The following DNAJC8 variants were observed in gnomAD, a reference collection of about 807,000 sequenced individuals.
DNAJC8 encodes DnaJ heat shock protein family (Hsp40) member C8, also known as dnaJ homolog subfamily C member 8.
In DNAJC8, 24 loss-of-function variants were observed where a neutral mutation model predicts 43.2. The observed-to-expected ratio is 0.56, with a 90% CI of 0.40 to 0.78. The LOEUF is 0.78. Ranked by LOEUF, DNAJC8 falls within the 30% of genes least tolerant of loss-of-function variation. The probability of loss-of-function intolerance (pLI) is 0.00; values close to 1 mark genes in which losing one functional copy is unlikely to be tolerated. For synonymous variants in DNAJC8, 83 were observed against 98.0 expected (o/e 0.85, Z 0.90); for missense variants, 207 against 299.4 (o/e 0.69, Z 2.28).
intron 8 of DNAJC8, among the ~76,000 whole-genome samples, chr1:28,203,538 T>A (rs1046320374): frequency 1.3e-5 from 2 of 152,290 alleles, no homozygotes; most frequent in East Asian, 1.9e-4. Context: ...AAATAAATTT[T>A]AAAAAAGCCA....
intron 8 of DNAJC8, 21 bp from the exon 9 acceptor site, chr1:28,201,391 A>G (rs766578064): frequency 1.2e-6 from 2 of 1,613,542 alleles, no homozygotes; most frequent in Admixed American, 1.7e-5. Flanking sequence ...AAGAAGTTTG[A>G]GGTGAGGAGA....
chr1:28,216,337 CTG>C (rs1267198110), intron 2 of DNAJC8, among the ~76,000 whole-genome samples: 4 of 152,154 alleles, frequency 2.6e-5, no homozygotes, highest in Non-Finnish European at 5.9e-5. Flanking sequence ...AGACGAGGGA[CTG>C]TAACTGTACA....
At chr1:28,214,806 T>C (rs1331358174) in intron 3 of DNAJC8, 134 bp downstream of exon 3, 2 of 562,176 alleles carry the variant, frequency 3.6e-6, no homozygotes, top group South Asian at 6.9e-5. Flanking sequence ...AGCTTTTTTT[T>C]ACAAAACAGT....
chr1:28,202,375 G>T (rs997119449), intron 8 of DNAJC8, among the ~76,000 whole-genome samples: 1 of 151,986 alleles, frequency 6.6e-6, no homozygotes, highest in East Asian at 1.9e-4. Context: ...TGCCTCCCGG[G>T]TTCACATCAT....
At chr1:28,231,462 T>A (rs2149026226) in intron 1 of DNAJC8, among the ~76,000 whole-genome samples, 1 of 152,092 alleles carries the variant, frequency 6.6e-6, no homozygotes, top group East Asian at 2.0e-4. Context: ...AAGCCTGTAA[T>A]CCCAGCAACT....
chr1:28,231,789 A>C (rs1212561406), intron 1 of DNAJC8, among the ~76,000 whole-genome samples: 1 of 151,700 alleles, frequency 6.6e-6, no homozygotes, highest in Non-Finnish European at 1.5e-5. Flanking sequence ...TCTTTTTTAG[A>C]CAGTCTCTCG....
chr1:28,201,388 T>C lies in DNAJC8; in HGVS notation c.640-18A>G. ...CGACTTTCCTAAGTACAAAAGAAGT[T>C]TGAGGTGAGGAGACCAGTCAATGAG... On this transcript the variant is annotated intron_variant, in intron 8 of 8. Transcript: ENST00000263697. 2 of 1,613,674 alleles carry C rather than the reference T, an allele frequency of 1.2e-6. No individual in the cohort carries two copies. Among genetic ancestry groups the C allele is most frequent in the Non-Finnish European group, 1.7e-6 (2 of 1,179,982 alleles).
At chr1:28,231,623 G>A (rs541667955) in intron 1 of DNAJC8, among the ~76,000 whole-genome samples, 1 of 151,850 alleles carries the variant, frequency 6.6e-6, no homozygotes, top group South Asian at 2.1e-4. Context: ...GCTGAGGCGA[G>A]AGAATCACTT....
intron 6 of DNAJC8, among the ~76,000 whole-genome samples, chr1:28,208,062 C>T (rs1646782160): frequency 6.6e-6 from 1 of 151,976 alleles, no homozygotes; most frequent in African/African-American, 2.4e-5. Flanking sequence ...CAAAATTAAC[C>T]GGGCATGGTG....
intron 8 of DNAJC8, among the ~76,000 whole-genome samples, chr1:28,202,339 G>A (rs1646740343): frequency 1.3e-5 from 2 of 152,084 alleles, no homozygotes; most frequent in East Asian, 3.9e-4. Flanking sequence ...GAGTGCAGTG[G>A]TGCGATCTCG....
At chr1:28,204,828 T>G (rs1293454035) in intron 7 of DNAJC8, among the ~76,000 whole-genome samples, 2 of 151,842 alleles carry the variant, frequency 1.3e-5, no homozygotes, top group African/African-American at 4.8e-5. Context: ...ATCGAGACCA[T>G]CCTGGCCAAC....
At chr1:28,205,529 G>A (rs1343815919) in intron 6 of DNAJC8, among the ~76,000 whole-genome samples, 180 bp from the exon 7 acceptor site, 1 of 152,178 alleles carries the variant, frequency 6.6e-6, no homozygotes, top group Non-Finnish European at 1.5e-5. Context: ...AATCGTTTGA[G>A]GCTAAGAGCT....
chr1:28,216,004 T>C (rs1646851174), intron 2 of DNAJC8, among the ~76,000 whole-genome samples: 1 of 151,976 alleles, frequency 6.6e-6, no homozygotes, highest in Non-Finnish European at 1.5e-5. Flanking sequence ...GGACTGTAAG[T>C]ATGTGGAGCG....
At chr1:28,214,391 G>A (rs534513048) in intron 3 of DNAJC8, among the ~76,000 whole-genome samples, 3 of 152,138 alleles carry the variant, frequency 2.0e-5, no homozygotes, top group South Asian at 4.2e-4. Flanking sequence ...AAAATTAGCC[G>A]GGTGTGGTGG....
intron 2 of DNAJC8, among the ~76,000 whole-genome samples, chr1:28,227,731 T>C (rs1238171135): frequency 1.3e-5 from 2 of 151,962 alleles, no homozygotes; most frequent in Non-Finnish European, 2.9e-5. Flanking sequence ...GGCAACATAA[T>C]GAGGCCCCAT....
At chr1:28,221,940 A>G (rs1200267394) in intron 2 of DNAJC8, among the ~76,000 whole-genome samples, 2 of 152,208 alleles carry the variant, frequency 1.3e-5, no homozygotes, top group Non-Finnish European at 2.9e-5. Context: ...ATATGCTACA[A>G]CATTGAAGAA....
At chr1:28,220,097 G>A (rs769649469) in intron 2 of DNAJC8, among the ~76,000 whole-genome samples, 18 of 152,166 alleles carry the variant, frequency 1.2e-4, no homozygotes, top group Non-Finnish European at 2.4e-4. Flanking sequence ...ACAACACCTG[G>A]AGCTTACTTT....
chr1:28,205,827 G>C (rs573592373), intron 6 of DNAJC8, among the ~76,000 whole-genome samples: 8 of 152,298 alleles, frequency 5.3e-5, no homozygotes, highest in African/African-American at 1.7e-4. Flanking sequence ...GACAGAGGTT[G>C]CAGGGAGCTG....
intron 8 of DNAJC8, among the ~76,000 whole-genome samples, chr1:28,201,770 C>G (rs1364899538): frequency 7.9e-6 from 1 of 127,212 alleles, no homozygotes; most frequent in Admixed American, 8.4e-5. Flanking sequence ...GCCTGAACAA[C>G]AAGAGCGAGA....
Sources: gnomAD v4.1 joint callset for allele counts (sites outside exome capture counted in the v4.1 genomes callset) on GRCh38, gnomAD v4.1.1 for gene constraint, MANE v1.5 for transcripts, NCBI Gene and HGNC (gene_info 2026-07-23, HGNC 2026-07-21) for gene names.